The following RBMS3 variants were observed in gnomAD, a reference collection of about 807,000 sequenced individuals.
RBMS3 encodes the protein RNA-binding motif, single-stranded-interacting protein 3.
RBMS3 carries 27 observed loss-of-function variants against 66.8 expected under a neutral mutation model. That is an observed-to-expected ratio of 0.40 (90% confidence interval 0.30 to 0.56). The LOEUF is 0.56. Ranked by LOEUF, RBMS3 falls within the 20% of genes least tolerant of loss-of-function variation. RBMS3 has a pLI of 0.40. For missense variants in RBMS3, 513 were observed against 549.5 expected (o/e 0.93, Z 0.66); for synonymous variants, 188 against 183.0 (o/e 1.03, Z -0.22).
intron 12 of RBMS3, among the ~76,000 whole-genome samples, chr3:29,983,774 A>C (rs1455853872): frequency 6.6e-6 from 1 of 152,180 alleles, no homozygotes; most frequent in Non-Finnish European, 1.5e-5. Flanking sequence ...TTCTTCAGAG[A>C]GATCCACTGT....
chr3:29,836,329 A>T (rs2058507255), intron 6 of RBMS3, among the ~76,000 whole-genome samples: 1 of 152,088 alleles, frequency 6.6e-6, no homozygotes, highest in African/African-American at 2.4e-5. Flanking sequence ...TTTCAGGTCA[A>T]TATCTCTGAT....
chr3:29,281,750 A>G lies in RBMS3; in HGVS notation c.69A>G (p.Gln23=), dbSNP rs1575458842. 1 of 1,612,202 alleles carries G rather than the reference A, an allele frequency of 6.2e-7. No homozygotes were observed. The highest frequency in any genetic ancestry group is 8.5e-7 in the Non-Finnish European group (1 of 1,178,684). Residue 23 remains glutamine, a synonymous_variant, in exon 1 of 15, where the codon CAA becomes CAG. Transcript: ENST00000383767. ...QYTYYYPHYL[Q]TKQSYAPAPH... ...CTTACTACTATCCTCATTATCTCCA[A>G]ACCAAGGTATGGCTTGACCCACGGT...
At chr3:29,598,141 G>A (rs2048021072) in intron 4 of RBMS3, among the ~76,000 whole-genome samples, 1 of 152,110 alleles carries the variant, frequency 6.6e-6, no homozygotes, top group African/African-American at 2.4e-5. Context: ...AATATCCATA[G>A]TTAGACATTA....
At chr3:29,510,234 T>TCA (rs2044344356) in intron 3 of RBMS3, among the ~76,000 whole-genome samples, 2 of 152,232 alleles carry the variant, frequency 1.3e-5, no homozygotes, top group Admixed American at 6.5e-5. Flanking sequence ...AGCACTGATA[T>TCA]CATAGATCAA....
At chr3:29,817,627 G>T (rs1198308100) in intron 6 of RBMS3, among the ~76,000 whole-genome samples, 5 of 151,938 alleles carry the variant, frequency 3.3e-5, no homozygotes, top group African/African-American at 1.2e-4. Flanking sequence ...ATGCATTTGG[G>T]AAAGAAAATA....
At chr3:29,602,102 C>T (rs1219317382) in intron 4 of RBMS3, among the ~76,000 whole-genome samples, 2 of 151,988 alleles carry the variant, frequency 1.3e-5, no homozygotes, top group Admixed American at 6.6e-5. Context: ...CCTCTTGCTG[C>T]GGGCAACTGA....
chr3:29,440,044 T>C (rs1041467413), intron 2 of RBMS3, among the ~76,000 whole-genome samples: 1 of 152,172 alleles, frequency 6.6e-6, no homozygotes. Context: ...AAAATATTTG[T>C]AGTGTAATGA....
chr3:29,698,730 T>C (rs1015764696), intron 4 of RBMS3: 2 of 508,296 alleles, frequency 3.9e-6, no homozygotes, highest in Non-Finnish European at 5.1e-6. Context: ...TTAATGTTTA[T>C]TAAGGAGAGG....
chr3:29,924,346 T>A (rs2060873688), intron 10 of RBMS3, among the ~76,000 whole-genome samples: 1 of 152,168 alleles, frequency 6.6e-6, no homozygotes, highest in Admixed American at 6.5e-5. Context: ...AGCAAAAGGG[T>A]GTAGGAAATG....
At chr3:29,532,588 A>G (rs2045407835) in intron 3 of RBMS3, among the ~76,000 whole-genome samples, 1 of 152,080 alleles carries the variant, frequency 6.6e-6, no homozygotes. Flanking sequence ...AAAATTAGCC[A>G]GGCATGGTGG....
chr3:29,596,760 C>G (rs1372711489), intron 4 of RBMS3, among the ~76,000 whole-genome samples: 1 of 152,168 alleles, frequency 6.6e-6, no homozygotes, highest in Non-Finnish European at 1.5e-5. Context: ...ATTATTAAAT[C>G]AGTGAACTGC....
chr3:29,339,251 T>C (rs781465961), intron 1 of RBMS3, among the ~76,000 whole-genome samples: 2 of 152,174 alleles, frequency 1.3e-5, no homozygotes, highest in Non-Finnish European at 2.9e-5. Flanking sequence ...TTCACTTCAT[T>C]ATCCTTGTCT....
chr3:29,786,229 G>T (rs959511663), intron 6 of RBMS3, among the ~76,000 whole-genome samples: 2 of 151,990 alleles, frequency 1.3e-5, no homozygotes, highest in African/African-American at 4.8e-5. Context: ...CTCGTGGATG[G>T]GTAGAATCAG....
At chr3:29,855,347 C>A (rs572751530) in intron 6 of RBMS3, among the ~76,000 whole-genome samples, 4 of 152,056 alleles carry the variant, frequency 2.6e-5, no homozygotes, top group South Asian at 4.1e-4. Context: ...ATGACTTTTT[C>A]CTATAAGGAA....
intron 6 of RBMS3, among the ~76,000 whole-genome samples, chr3:29,783,445 A>G (rs2056710926): frequency 6.6e-6 from 1 of 152,128 alleles, no homozygotes; most frequent in South Asian, 2.1e-4. Flanking sequence ...TATCCAGCAA[A>G]ATTAAGCTTT....
chr3:29,592,430 G>A (rs1392845439), intron 4 of RBMS3, among the ~76,000 whole-genome samples: 1 of 152,154 alleles, frequency 6.6e-6, no homozygotes, highest in African/African-American at 2.4e-5. Flanking sequence ...CTGGCCATCA[G>A]AGAAATGCAA....
intron 5 of RBMS3, among the ~76,000 whole-genome samples, chr3:29,755,735 G>A (rs920427659): frequency 2.0e-5 from 3 of 152,132 alleles, no homozygotes; most frequent in African/African-American, 7.2e-5. Context: ...GACAAAGAGG[G>A]AAAACCACTC....
chr3:29,504,389 A>G (rs1322633599), intron 3 of RBMS3, among the ~76,000 whole-genome samples: 1 of 152,130 alleles, frequency 6.6e-6, no homozygotes, highest in African/African-American at 2.4e-5. Flanking sequence ...GTCTATGAGA[A>G]GGCAACCATA....
intron 4 of RBMS3, among the ~76,000 whole-genome samples, chr3:29,703,766 C>T (rs961654612): frequency 2.6e-5 from 4 of 152,046 alleles, no homozygotes; most frequent in African/African-American, 9.7e-5. Context: ...TCATTTAATC[C>T]AGGGATCCCC....
Sources: gnomAD v4.1 joint callset for allele counts (sites outside exome capture counted in the v4.1 genomes callset) on GRCh38, gnomAD v4.1.1 for gene constraint, MANE v1.5 for transcripts, NCBI Gene and HGNC (gene_info 2026-07-23, HGNC 2026-07-21) for gene names.